The following ANKRD29 variants were observed in gnomAD, a reference collection of about 807,000 sequenced individuals.
ANKRD29 encodes the protein ankyrin repeat domain 29.
In ANKRD29, 32 loss-of-function variants were observed where a neutral mutation model predicts 38.0. The ratio of observed to expected loss-of-function variants is 0.84; its 90% CI spans 0.64 to 1.13. ANKRD29 has a LOEUF of 1.13. Ranked by LOEUF, ANKRD29 falls within the 50% of genes most tolerant of loss-of-function variation. The pLI is 0.00. For missense variants in ANKRD29, 357 were observed against 377.9 expected (o/e 0.94, Z 0.46); for synonymous variants, 135 against 152.4 (o/e 0.89, Z 0.84).
intron 1 of ANKRD29, among the ~76,000 whole-genome samples, chr18:23,659,819 T>C (rs2060334084): frequency 6.6e-6 from 1 of 151,282 alleles, no homozygotes; most frequent in South Asian, 2.1e-4. Flanking sequence ...GTTTTAAAAA[T>C]GACTGCATCG....
chr18:23,619,377 A>C, intron 7 of ANKRD29, 154 bp downstream of exon 7: 1 of 691,912 alleles, frequency 1.4e-6, no homozygotes, highest in South Asian at 2.0e-5. Context: ...AGAGAGACCG[A>C]GCAGCACCGA....
chr18:23,641,300 G>A (rs1158728556), intron 3 of ANKRD29, among the ~76,000 whole-genome samples: 1 of 152,168 alleles, frequency 6.6e-6, no homozygotes, highest in Non-Finnish European at 1.5e-5. Flanking sequence ...CCGGTTCTGG[G>A]CATCCCTGTG....
intron 8 of ANKRD29, among the ~76,000 whole-genome samples, chr18:23,616,583 T>TATATA (rs1453851363): frequency 7.1e-6 from 1 of 140,060 alleles, no homozygotes; most frequent in African/African-American, 2.8e-5. Flanking sequence ...ATACAGTATA[T>TATATA]ATATATATAT....
intron 2 of ANKRD29, chr18:23,646,517 C>A: frequency 2.3e-6 from 1 of 436,052 alleles, no homozygotes; most frequent in Non-Finnish European, 4.1e-6. Context: ...CACTTACTTC[C>A]ATTACCTTCA....
At chr18:23,624,078 C>T (rs1240778432) in intron 6 of ANKRD29, among the ~76,000 whole-genome samples, 1 of 151,972 alleles carries the variant, frequency 6.6e-6, no homozygotes, top group African/African-American at 2.4e-5. Flanking sequence ...TTCAAATAGG[C>T]TTTTGAATAC....
chr18:23,604,574 A>G (rs2059552713), intron 9 of ANKRD29, among the ~76,000 whole-genome samples: 1 of 151,738 alleles, frequency 6.6e-6, no homozygotes, highest in Non-Finnish European at 1.5e-5. Flanking sequence ...ATCTGTTGCC[A>G]TGCTGGACTG....
At chr18:23,634,266 C>G in intron 4 of ANKRD29, 117 bp from the exon 5 acceptor site, 4 of 589,088 alleles carry the variant, frequency 6.8e-6, no homozygotes, top group Non-Finnish European at 8.3e-6. Flanking sequence ...TAATAACAAA[C>G]TCACTTTCCC....
At chr18:23,617,646 C>A in intron 8 of ANKRD29, 86 bp downstream of exon 8, 1 of 1,068,380 alleles carries the variant, frequency 9.4e-7, no homozygotes, top group Non-Finnish European at 1.4e-6. Context: ...AGGCTAACTG[C>A]ACCCAAATTC....
intron 1 of ANKRD29, among the ~76,000 whole-genome samples, chr18:23,655,119 A>C (rs1258121390): frequency 6.6e-6 from 1 of 152,238 alleles, no homozygotes; most frequent in African/African-American, 2.4e-5. Flanking sequence ...TACAATTTTC[A>C]GAATGCTTAA....
intron 9 of ANKRD29, among the ~76,000 whole-genome samples, chr18:23,610,552 T>C (rs1049513168): frequency 2.0e-5 from 3 of 152,168 alleles, no homozygotes; most frequent in African/African-American, 7.2e-5. Flanking sequence ...ACCAGCACTT[T>C]GGTAGGCCAA....
At chr18:23,640,767 A>T (rs1412608527) in intron 3 of ANKRD29, among the ~76,000 whole-genome samples, 1 of 152,168 alleles carries the variant, frequency 6.6e-6, no homozygotes, top group African/African-American at 2.4e-5. Context: ...AGTACTCTTC[A>T]CTTCTGAGCT....
chr18:23,630,683 C>T (rs1162661517), intron 5 of ANKRD29, among the ~76,000 whole-genome samples: 4 of 151,804 alleles, frequency 2.6e-5, no homozygotes, highest in Non-Finnish European at 5.9e-5. Flanking sequence ...TTTTCCATCT[C>T]CATCTCTTTG....
chr18:23,617,656 C>A, intron 8 of ANKRD29, 76 bp downstream of exon 8: 1 of 1,247,214 alleles, frequency 8.0e-7, no homozygotes, highest in Non-Finnish European at 1.2e-6. Flanking sequence ...CACCCAAATT[C>A]GACACAGTCC....
intron 8 of ANKRD29, among the ~76,000 whole-genome samples, chr18:23,613,701 G>A (rs970150432): frequency 1.3e-5 from 2 of 148,346 alleles, no homozygotes; most frequent in Non-Finnish European, 3.0e-5. Context: ...CCGGGTTCAC[G>A]CCATTCTCCT....
At chr18:23,633,288 T>A (rs766466958) in intron 5 of ANKRD29, among the ~76,000 whole-genome samples, 1 of 152,188 alleles carries the variant, frequency 6.6e-6, no homozygotes, top group Non-Finnish European at 1.5e-5. Context: ...GAGGTCTTCA[T>A]CCATCCAACC....
chr18:23,651,318 A>G (rs934929888), intron 1 of ANKRD29, among the ~76,000 whole-genome samples: 4 of 152,216 alleles, frequency 2.6e-5, no homozygotes, highest in Non-Finnish European at 4.4e-5. Flanking sequence ...AAATTTTGCT[A>G]TCCTGGAGTT....
At chr18:23,615,401 CATAA>C (rs771754879) in intron 8 of ANKRD29, among the ~76,000 whole-genome samples, 19 of 152,004 alleles carry the variant, frequency 1.2e-4, no homozygotes, top group Admixed American at 1.2e-3. Flanking sequence ...TAACAATGTT[CATAA>C]ATAAAGTTTT....
chr18:23,620,012 A>C (rs2059776694), intron 6 of ANKRD29, among the ~76,000 whole-genome samples: 1 of 152,206 alleles, frequency 6.6e-6, no homozygotes, highest in Non-Finnish European at 1.5e-5. Flanking sequence ...ACACCACAGC[A>C]GAACCAAATT....
intron 8 of ANKRD29, among the ~76,000 whole-genome samples, chr18:23,612,951 T>G (rs1006114824): frequency 2.6e-5 from 4 of 152,166 alleles, no homozygotes; most frequent in African/African-American, 9.7e-5. Flanking sequence ...TAGTACCTAA[T>G]GCAAACTTAG....
Sources: gnomAD v4.1 joint callset for allele counts (sites outside exome capture counted in the v4.1 genomes callset) on GRCh38, gnomAD v4.1.1 for gene constraint, MANE v1.5 for transcripts, NCBI Gene and HGNC (gene_info 2026-07-23, HGNC 2026-07-21) for gene names.